Variants in RAPGEF2 observed in about 807,000 individuals in gnomAD.
RAPGEF2 encodes the protein Rap guanine nucleotide exchange factor 2, also known as PDZ domain containing guanine nucleotide exchange factor (GEF) 1.
In RAPGEF2, 54 loss-of-function variants were observed where a neutral mutation model predicts 186.7. The ratio of observed to expected loss-of-function variants is 0.29; its 90% CI spans 0.23 to 0.36. RAPGEF2 has a LOEUF of 0.36. Ranked by LOEUF, RAPGEF2 falls within the 10% of genes least tolerant of loss-of-function variation. RAPGEF2 has a pLI of 1.00. For synonymous variants in RAPGEF2, 712 were observed against 705.9 expected (o/e 1.01, Z -0.14); for missense variants, 1,532 against 2,045.0 (o/e 0.75, Z 4.84).
chr4:159,128,505 A>G (rs1262781157), intron 1 of RAPGEF2, among the ~76,000 whole-genome samples: 6 of 152,148 alleles, frequency 3.9e-5, no homozygotes, highest in Admixed American at 6.5e-5. Context: ...ATTTATAAAG[A>G]TAATAGGCTA....
At chr4:159,352,102 C>G (rs1013873590) in intron 26 of RAPGEF2, among the ~76,000 whole-genome samples, 1 of 152,124 alleles carries the variant, frequency 6.6e-6, no homozygotes, top group East Asian at 1.9e-4. Context: ...CCCTTTAACT[C>G]CTTCAAAACG....
At chr4:159,229,394 T>C (rs1294706129) in intron 4 of RAPGEF2, 1 of 152,180 alleles carries the variant, frequency 6.6e-6, no homozygotes, top group African/African-American at 2.4e-5. Flanking sequence ...CGTGGAAAGC[T>C]CACACTGGCA....
intron 20 of RAPGEF2, among the ~76,000 whole-genome samples, chr4:159,342,768 C>T (rs17038048): frequency 2.0e-5 from 3 of 151,522 alleles, no homozygotes; most frequent in South Asian, 2.1e-4. Context: ...TAGGTCTATA[C>T]GGAAGAGAAG....
At chr4:159,255,751 T>C (rs78600927) in intron 7 of RAPGEF2, among the ~76,000 whole-genome samples, 1 of 152,212 alleles carries the variant, frequency 6.6e-6, no homozygotes, top group Admixed American at 6.5e-5. Context: ...ACTTTTATTG[T>C]AAATACCATG....
chr4:159,147,336 A>G (rs1413898471), intron 1 of RAPGEF2, among the ~76,000 whole-genome samples: 1 of 152,188 alleles, frequency 6.6e-6, no homozygotes, highest in Non-Finnish European at 1.5e-5. Context: ...AATGATTTTC[A>G]CTAGAAACTA....
chr4:159,337,889 CA>C (rs553291521), intron 17 of RAPGEF2, among the ~76,000 whole-genome samples: 522 of 32,570 alleles, frequency 0.016, 1 homozygote, highest in East Asian at 0.045. Context: ...GACTCCATCT[CA>C]AAAAAAAAAA....
At chr4:159,260,282 ATT>A (rs879644732) in intron 7 of RAPGEF2, among the ~76,000 whole-genome samples, 6 of 144,752 alleles carry the variant, frequency 4.1e-5, no homozygotes, top group Admixed American at 7.0e-5. Flanking sequence ...ACCCAGCCTA[ATT>A]TTTTTTTTTT....
intron 20 of RAPGEF2, among the ~76,000 whole-genome samples, chr4:159,342,206 G>C (rs747695554): frequency 1.4e-4 from 22 of 152,070 alleles, no homozygotes; most frequent in Non-Finnish European, 2.9e-4. Flanking sequence ...TTCTGATTTG[G>C]AGCTCAGAAA....
intron 1 of RAPGEF2, among the ~76,000 whole-genome samples, chr4:159,153,133 T>C (rs1032267359): frequency 4.6e-5 from 7 of 152,226 alleles, no homozygotes; most frequent in African/African-American, 1.7e-4. Context: ...ATTACACTAG[T>C]AGCCTTCACT....
At chr4:159,207,067 TAA>T (rs1178855454) in intron 3 of RAPGEF2, among the ~76,000 whole-genome samples, 1 of 152,256 alleles carries the variant, frequency 6.6e-6, no homozygotes, top group Non-Finnish European at 1.5e-5. Flanking sequence ...CTGAATTTAA[TAA>T]ATGTTGATTG....
chr4:159,335,696 A>G (rs1398371104), intron 17 of RAPGEF2, among the ~76,000 whole-genome samples: 1 of 152,082 alleles, frequency 6.6e-6, no homozygotes, highest in African/African-American at 2.4e-5. Context: ...TTAGCCGGGC[A>G]TGGTGGCGGA....
chr4:159,324,000 G>A (rs1447807616), intron 11 of RAPGEF2, among the ~76,000 whole-genome samples: 8 of 151,940 alleles, frequency 5.3e-5, no homozygotes, highest in Non-Finnish European at 5.9e-5. Flanking sequence ...GGGTTCAAGC[G>A]ATTCTCCTGC....
At chr4:159,231,136 G>A (rs940811890) in intron 4 of RAPGEF2, among the ~76,000 whole-genome samples, 1 of 152,024 alleles carries the variant, frequency 6.6e-6, no homozygotes, top group Non-Finnish European at 1.5e-5. Flanking sequence ...ATATACCATT[G>A]TGTTATAATT....
At chr4:159,110,195 A>AT (rs1259320711) in intron 1 of RAPGEF2, among the ~76,000 whole-genome samples, 1 of 152,192 alleles carries the variant, frequency 6.6e-6, no homozygotes, top group Non-Finnish European at 1.5e-5. Flanking sequence ...AGTTTTCTTG[A>AT]TTTTTAAGGT....
chr4:159,108,056 A>T (rs1466758948), intron 1 of RAPGEF2, among the ~76,000 whole-genome samples: 1 of 152,258 alleles, frequency 6.6e-6, no homozygotes, highest in Non-Finnish European at 1.5e-5. Flanking sequence ...ACAAGCAGTT[A>T]GATTTCATAA....
rs777226592 is a variant in RAPGEF2 at position 159,346,832 on chromosome 4, C to T, written c.3546C>T (p.Thr1182=). 5.0e-6 allele frequency: 8 copies of T among 1,614,182 alleles called. No homozygotes were observed. The highest frequency in any genetic ancestry group is 1.7e-5 in the Admixed American group (1 of 60,026). ...ACAAAAAGCCTGTCAAATCCGAGAC[C>T]TCTCCAGTAGCTCCAAGGGCAGGGT... ...PGDKKPVKSE[T]SPVAPRAGSQ... Residue 1182 remains threonine (T), a synonymous_variant, in exon 25 of 30, where the codon ACC becomes ACT. Coordinates refer to ENST00000691494, the MANE Select transcript of RAPGEF2 (RefSeq NM_001394067.2).
intron 2 of RAPGEF2, among the ~76,000 whole-genome samples, chr4:159,191,965 C>T (rs1259054941): frequency 2.0e-5 from 3 of 152,124 alleles, no homozygotes. Context: ...CGGGGTCTTA[C>T]ACAGGAGTGC....
In RAPGEF2 at chr4:159,316,389, G is replaced by A. The variant is rs544897748; in HGVS notation, c.853+1621G>A. 1.8e-4 allele frequency among the ~76,000 whole-genome samples: 27 copies of A among 151,882 alleles called. 1 individual carries two copies. The Middle Eastern group carries it at 0.01, about 57-fold the overall frequency. On this transcript the variant is annotated intron_variant, in intron 9 of 29. Transcript: ENST00000691494. ...TTATACTGGAACAGCTCATGTCCTC[G>A]GTCTCTTGCCTCGGCACCTGGGTGG...
intron 7 of RAPGEF2, among the ~76,000 whole-genome samples, chr4:159,245,801 G>A (rs1384750414): frequency 1.3e-5 from 2 of 151,840 alleles, no homozygotes; most frequent in East Asian, 3.8e-4. Flanking sequence ...TTCCTAGTTT[G>A]GAAAGAGGAA....
Sources: gnomAD v4.1 joint callset for allele counts (sites outside exome capture counted in the v4.1 genomes callset) on GRCh38, gnomAD v4.1.1 for gene constraint, MANE v1.5 for transcripts, NCBI Gene and HGNC (gene_info 2026-07-23, HGNC 2026-07-21) for gene names.